AFAP1L2: variants seen among roughly 807,000 people sequenced by gnomAD.
The protein encoded by AFAP1L2 is actin filament-associated protein 1-like 2.
Under a neutral mutation model 99.3 loss-of-function variants are expected in AFAP1L2, and 46 were observed. The ratio of observed to expected loss-of-function variants is 0.46; its 90% CI spans 0.37 to 0.59. The LOEUF (loss-of-function observed/expected upper bound fraction) is 0.59, where lower values mean the gene tolerates loss of function less well. AFAP1L2 is among the 20% of genes least tolerant of loss of function. AFAP1L2 has a pLI of 0.00. For synonymous variants in AFAP1L2, 397 were observed against 419.1 expected, an observed-to-expected ratio of 0.95 and a Z score of 0.64; for missense variants, 959 against 1,034.9, an observed-to-expected ratio of 0.93 and a Z score of 1.01.
At chr10:114,345,154 C>A (rs2049345835) in intron 1 of AFAP1L2, among the ~76,000 whole-genome samples, 1 of 147,390 alleles carries the variant, frequency 6.8e-6, no homozygotes, top group Admixed American at 6.8e-5. Flanking sequence ...AAACTTGAGC[C>A]CTGAAAGTAC....
the AFAP1L2 span, chr10:114,284,955 G>A: frequency 1.2e-6 from 2 of 1,601,452 alleles, no homozygotes; most frequent in Admixed American, 1.7e-5. Flanking sequence ...GGCCTTTGGA[G>A]GGGAGGCTAA....
chr10:114,300,761 C>G, intron 13 of AFAP1L2, 71 bp from the exon 14 acceptor site: 4 of 1,516,578 alleles, frequency 2.6e-6, no homozygotes, highest in Non-Finnish European at 3.5e-6. Flanking sequence ...GGGTACCAGC[C>G]CTGCCTCACA....
chr10:114,321,024 C>T (rs547646323), intron 5 of AFAP1L2, among the ~76,000 whole-genome samples: 1 of 152,314 alleles, frequency 6.6e-6, no homozygotes, highest in South Asian at 2.1e-4. Context: ...GCTCACTTCC[C>T]ACAGAGTTCC....
At chr10:114,355,782 C>T (rs934530189) in intron 1 of AFAP1L2, among the ~76,000 whole-genome samples, 7 of 151,894 alleles carry the variant, frequency 4.6e-5, no homozygotes, top group Non-Finnish European at 8.8e-5. Flanking sequence ...GACCAGCCTG[C>T]GCAACATGCA....
intron 7 of AFAP1L2, among the ~76,000 whole-genome samples, chr10:114,313,165 G>A (rs913402258): frequency 9.9e-5 from 15 of 152,226 alleles, no homozygotes; most frequent in African/African-American, 3.6e-4. Context: ...GGGAAGGGCT[G>A]CTCTGGCTCT....
intron 1 of AFAP1L2, among the ~76,000 whole-genome samples, chr10:114,365,194 T>G (rs1243056799): frequency 6.6e-6 from 1 of 152,174 alleles, no homozygotes; most frequent in African/African-American, 2.4e-5. Context: ...GGCCCAGAAG[T>G]GTCTAGGTAT....
At chr10:114,365,007 A>G (rs1490849877) in intron 1 of AFAP1L2, among the ~76,000 whole-genome samples, 1 of 152,238 alleles carries the variant, frequency 6.6e-6, no homozygotes, top group Non-Finnish European at 1.5e-5. Context: ...GAAGAGCCAG[A>G]GTCCGGGGGC....
chr10:114,314,762 C>A (rs1359505097), intron 6 of AFAP1L2, among the ~76,000 whole-genome samples: 1 of 33,590 alleles, frequency 3.0e-5, no homozygotes, highest in Non-Finnish European at 3.0e-4. Flanking sequence ...ATGTCTGGTT[C>A]CTTGCTGGGT....
At chr10:114,314,198 G>A in intron 6 of AFAP1L2, 148 bp from the exon 7 acceptor site, 2 of 665,938 alleles carry the variant, frequency 3.0e-6, no homozygotes, top group Non-Finnish European at 4.9e-6. Flanking sequence ...CCCGAAGCAG[G>A]CCTGGAGCCT....
chr10:114,282,151 A>C, the AFAP1L2 span, among the ~76,000 whole-genome samples: 2 of 152,012 alleles, frequency 1.3e-5, no homozygotes, highest in Admixed American at 1.3e-4. Context: ...TTACAGGCAC[A>C]TGCCACCACG....
intron 5 of AFAP1L2, among the ~76,000 whole-genome samples, chr10:114,320,501 A>G (rs192644919): frequency 3.3e-5 from 5 of 152,318 alleles, no homozygotes; most frequent in Admixed American, 2.6e-4. Context: ...TGTGCTGACC[A>G]TGACTGCTTC....
At chr10:114,403,259 T>A (rs2058390589) in intron 1 of AFAP1L2, among the ~76,000 whole-genome samples, 1 of 152,224 alleles carries the variant, frequency 6.6e-6, no homozygotes, top group Non-Finnish European at 1.5e-5. Context: ...TGAAGCTCTG[T>A]CTGGGACTTG....
chr10:114,328,439 A>G (rs901803534), intron 4 of AFAP1L2, among the ~76,000 whole-genome samples: 1 of 152,136 alleles, frequency 6.6e-6, no homozygotes, highest in Non-Finnish European at 1.5e-5. Flanking sequence ...ACCTCCCTGA[A>G]GTTCTGGGAT....
the AFAP1L2 span, chr10:114,288,882 T>C: frequency 6.5e-7 from 1 of 1,549,298 alleles, no homozygotes; most frequent in Non-Finnish European, 8.7e-7. Flanking sequence ...CTGGGTCCCG[T>C]CGAGGGGCTC....
At position 114,333,220 on chromosome 10, in the gene AFAP1L2, C is replaced by T; in HGVS notation, c.220+1G>A. The T allele has an allele frequency of 6.2e-7, 1 of 1,612,802 alleles. No homozygotes were observed. The highest frequency in any genetic ancestry group is 8.5e-7 in the Non-Finnish European group (1 of 1,179,356). ...CAGCGTCAGTGATCCCAGCCTCATA[C>T]CTTTGCCTTGAGACTCTGCATTCTG... On this transcript the variant is annotated splice_donor_variant, in intron 3 of 18. Coordinates refer to ENST00000304129, the MANE Select transcript of AFAP1L2 (RefSeq NM_001001936.3). LOFTEE classifies it high-confidence loss of function.
At chr10:114,309,175 G>A (rs1452605112) in intron 8 of AFAP1L2, among the ~76,000 whole-genome samples, 1 of 152,206 alleles carries the variant, frequency 6.6e-6, no homozygotes, top group Non-Finnish European at 1.5e-5. Context: ...CAACAGGACC[G>A]GCCTTAGGCA....
chr10:114,331,719 C>T, intron 4 of AFAP1L2, 84 bp downstream of exon 4: 1 of 996,444 alleles, frequency 1.0e-6, no homozygotes. Context: ...ATGCCAGACA[C>T]TTAGTGAGCT....
chr10:114,296,287 C>G (rs937004085), intron 18 of AFAP1L2: 7 of 576,270 alleles, frequency 1.2e-5, no homozygotes, highest in Admixed American at 6.2e-5. Flanking sequence ...AGTGATGTCT[C>G]TCACAGCAAC....
At chr10:114,396,457 C>T (rs1302332396) in intron 1 of AFAP1L2, among the ~76,000 whole-genome samples, 1 of 152,214 alleles carries the variant, frequency 6.6e-6, no homozygotes, top group Non-Finnish European at 1.5e-5. Context: ...CATCAGAAGG[C>T]TTCTCCTTGT....
Sources: gnomAD v4.1 joint callset for allele counts (sites outside exome capture counted in the v4.1 genomes callset) on GRCh38, gnomAD v4.1.1 for gene constraint, MANE v1.5 for transcripts, NCBI Gene and HGNC (gene_info 2026-07-23, HGNC 2026-07-21) for gene names.